Variants in CFI observed in about 807,000 individuals in gnomAD.
The protein encoded by CFI is complement factor I, also known as C3B/C4B inactivator.
Under a neutral mutation model 78.8 loss-of-function variants are expected in CFI, and 66 were observed. That is an observed-to-expected ratio of 0.84 (90% CI 0.69 to 1.03). CFI has a LOEUF of 1.03. CFI is among the 50% of genes least tolerant of loss of function. CFI has a pLI of 0.00. For synonymous variants in CFI, 250 were observed against 232.6 expected (o/e 1.07, Z -0.68); for missense variants, 706 against 704.5 (o/e 1.00, Z -0.02).
the CFI span, among the ~76,000 whole-genome samples, chr4:109,732,536 A>T: frequency 6.6e-6 from 1 of 152,220 alleles, no homozygotes; most frequent in Non-Finnish European, 1.5e-5. Flanking sequence ...AAATAAAAAT[A>T]CAGAGCCCCT....
chr4:109,739,407 A>G (rs1723574910), downstream of CFI, among the ~76,000 whole-genome samples: 1 of 152,094 alleles, frequency 6.6e-6, no homozygotes, highest in African/African-American at 2.4e-5. Context: ...TAGTTGGAGG[A>G]GACAGTGTTG....
At chr4:109,772,470 C>A (rs758636849) in intron 1 of CFI, among the ~76,000 whole-genome samples, 16 of 152,094 alleles carry the variant, frequency 1.1e-4, no homozygotes, top group Non-Finnish European at 1.8e-4. Flanking sequence ...TTTAAATCAC[C>A]ATTGAAACTA....
In CFI at chr4:109,764,002, A is replaced by G. The variant is rs771826982; in HGVS notation, c.482+535T>C. ...AGTATATATACTATAATTATAGTAT[A>G]TAAGCTATATATAAATTATAGTTTG... On this transcript the variant is annotated intron_variant, in intron 3 of 12. Transcript: ENST00000394634. Among the ~76,000 whole-genome samples, 5 of 148,670 alleles carry G rather than the reference A, an allele frequency of 3.4e-5. No individual in the cohort carries two copies. The East Asian group carries it at 7.8e-4, about 23-fold the overall frequency.
chr4:109,768,170 A>C (rs1179911633), intron 1 of CFI, among the ~76,000 whole-genome samples: 1 of 150,722 alleles, frequency 6.6e-6, no homozygotes, highest in Non-Finnish European at 1.5e-5. Flanking sequence ...ATTTGGAGAT[A>C]TACCTAATGT....
At position 109,778,490 on chromosome 4, in the gene CFI, TA is replaced by T. The variant is rs374933368; in HGVS notation, c.58-11667del. On this transcript the variant is annotated intron_variant, in intron 1 of 12. Coordinates refer to ENST00000394634, the MANE Select transcript of CFI (RefSeq NM_000204.5). The stretch of plus-strand genomic sequence containing the variant: ...GTTCTGAAATTGAGGCAATAATTAA[TA>T]GCCTACCAACCAAAAAGAGTCCAGG... 2.3e-3 allele frequency among the ~76,000 whole-genome samples: 345 copies of T among 152,224 alleles called. 1 individual carries two copies. Among genetic ancestry groups the T allele is most frequent in the African/African-American group, 7.4e-3 (309 of 41,548 alleles).
At chr4:109,783,163 C>A (rs964183392) in intron 1 of CFI, among the ~76,000 whole-genome samples, 1 of 152,010 alleles carries the variant, frequency 6.6e-6, no homozygotes, top group African/African-American at 2.4e-5. Context: ...GCAATAAAAA[C>A]AAAGATAAAT....
At chr4:109,768,654 C>T (rs779908462) in intron 1 of CFI, among the ~76,000 whole-genome samples, 3 of 152,210 alleles carry the variant, frequency 2.0e-5, no homozygotes, top group Non-Finnish European at 4.4e-5. Context: ...CCCTGTCCCC[C>T]AGAGCTTCCT....
At chr4:109,796,103 C>T (rs573316147) in intron 1 of CFI, among the ~76,000 whole-genome samples, 2 of 152,050 alleles carry the variant, frequency 1.3e-5, no homozygotes, top group Non-Finnish European at 2.9e-5. Flanking sequence ...TTTGAAAGAA[C>T]GAGAAAAGCA....
At chr4:109,744,892 A>G (rs1291068507) in intron 11 of CFI, among the ~76,000 whole-genome samples, 3 of 152,216 alleles carry the variant, frequency 2.0e-5, no homozygotes, top group Non-Finnish European at 4.4e-5. Flanking sequence ...AATGCACATA[A>G]TAAAAGATTT....
At chr4:109,736,267 T>C (rs567677075), downstream of CFI, among the ~76,000 whole-genome samples, 1 of 152,344 alleles carries the variant, frequency 6.6e-6, no homozygotes, top group Admixed American at 6.5e-5. Flanking sequence ...ATCAAGACTC[T>C]TTTTCCTGGG....
intron 1 of CFI, chr4:109,793,953 T>C (rs1215372405): frequency 6.6e-6 from 1 of 152,350 alleles, no homozygotes; most frequent in South Asian, 2.1e-4. Context: ...GAATTCTTGG[T>C]TGACAGTTTT....
intron 1 of CFI, among the ~76,000 whole-genome samples, chr4:109,798,508 GT>G (rs35617864): frequency 1.0e-3 from 78 of 74,788 alleles, no homozygotes; most frequent in African/African-American, 1.9e-3. Flanking sequence ...TCAATAAAGT[GT>G]TTTTTTTTTT....
At chr4:109,742,635 T>G (rs367700289) in intron 11 of CFI, 40 bp from the exon 12 acceptor site, 11 of 1,267,620 alleles carry the variant, frequency 8.7e-6, no homozygotes, top group Non-Finnish European at 1.3e-5. Context: ...AAGTCACAAA[T>G]GAGAAATCTA....
chr4:109,738,345 C>T (rs1463188902), downstream of CFI, among the ~76,000 whole-genome samples: 1 of 152,060 alleles, frequency 6.6e-6, no homozygotes, highest in Non-Finnish European at 1.5e-5. Flanking sequence ...CTTCTGACCT[C>T]AAATGATCCA....
chr4:109,800,313 G>C (rs1732606081), intron 1 of CFI, among the ~76,000 whole-genome samples: 1 of 137,762 alleles, frequency 7.3e-6, no homozygotes, highest in African/African-American at 2.7e-5. Context: ...GAAATATTTG[G>C]CTTCTCTGTT....
intron 1 of CFI, among the ~76,000 whole-genome samples, chr4:109,777,088 C>T (rs2125836721): frequency 6.6e-6 from 1 of 152,244 alleles, no homozygotes; most frequent in East Asian, 1.9e-4. Context: ...AACCAGCTAA[C>T]ATCATAATGA....
chr4:109,760,332 C>T lies in CFI; in HGVS notation c.821G>A (p.Ser274Asn), dbSNP rs1726884574. The part of the protein sequence containing the change: ...FHCKSGVCIP[S>N]QYQCNGEVDC... ...CACCTCACCATTGCATTGATACTGG[C>T]TTGGAATGCAAACACCCGATTTGCA... The change falls in exon 6 of 13, where the codon AGC becomes AAC. Residue 274 changes from serine (S) to asparagine (N), a missense_variant. Transcript: ENST00000394634. 1.2e-6 allele frequency: 2 copies of T among 1,614,174 alleles called. No individual in the cohort carries two copies. The highest frequency in any genetic ancestry group is 1.1e-5 in the South Asian group (1 of 91,084).
intron 4 of CFI, 93 bp downstream of exon 4, chr4:109,761,424 G>A (rs1727038633): frequency 8.2e-7 from 1 of 1,213,100 alleles, no homozygotes; most frequent in African/African-American, 1.5e-5. Context: ...TCTGTGACTG[G>A]CAACGAGGCA....
intron 10 of CFI, among the ~76,000 whole-genome samples, chr4:109,746,771 A>G (rs1040455388): frequency 2.0e-5 from 3 of 152,172 alleles, no homozygotes; most frequent in African/African-American, 7.2e-5. Context: ...CCAAAAGTGG[A>G]ATGAGTTTGC....
Sources: gnomAD v4.1 joint callset for allele counts (sites outside exome capture counted in the v4.1 genomes callset) on GRCh38, gnomAD v4.1.1 for gene constraint, MANE v1.5 for transcripts, NCBI Gene and HGNC (gene_info 2026-07-23, HGNC 2026-07-21) for gene names.